RARB: variants seen among roughly 807,000 people sequenced by gnomAD.
RARB encodes HBV-activated protein.
A neutral mutation model predicts 51.9 loss-of-function variants in RARB; 17 were observed. The ratio of observed to expected loss-of-function variants is 0.33; its 90% CI spans 0.22 to 0.49. The LOEUF is 0.49. Among genes scored for constraint, RARB ranks in the 20% least tolerant of loss-of-function variants. The pLI, the probability that RARB is intolerant of heterozygous loss-of-function variation, is 0.99. For synonymous variants in RARB, 215 were observed against 195.4 expected (o/e 1.10, Z -0.84); for missense variants, 369 against 550.8 (o/e 0.67, Z 3.30).
intron 3 of RARB, among the ~76,000 whole-genome samples, chr3:25,543,407 GAC>G (rs1435117796): frequency 6.6e-6 from 1 of 152,066 alleles, no homozygotes; most frequent in Non-Finnish European, 1.5e-5. Flanking sequence ...CTCCAAATAA[GAC>G]AGAAAATTCA....
In RARB at chr3:25,102,424, C is replaced by T. The variant is rs185263833; in HGVS notation, c.-327-29737C>T. ...GGCATGGTGGCAATGCTTGTAATCC[C>T]AACTACTCGGGGGGCTGAGGCAGAA... On this transcript the variant is annotated intron_variant, in intron 3 of 11. Coordinates refer to the RARB transcript ENST00000383772. Among the ~76,000 whole-genome samples the T allele has an allele frequency of 2.2e-4, 33 of 152,030 alleles. No homozygotes were observed. The East Asian group carries it at 5.8e-3, about 27-fold the overall frequency.
At chr3:24,939,798 A>G (rs1324565803) in intron 2 of RARB, among the ~76,000 whole-genome samples, 3 of 152,210 alleles carry the variant, frequency 2.0e-5, no homozygotes, top group Non-Finnish European at 4.4e-5. Context: ...TTAGCACCCT[A>G]TAATGCATTC....
chr3:24,924,852 G>T (rs1254732089), intron 2 of RARB, among the ~76,000 whole-genome samples: 2 of 152,056 alleles, frequency 1.3e-5, no homozygotes, highest in Non-Finnish European at 2.9e-5. Context: ...TATCCTTACA[G>T]GGGTGCTGTA....
At chr3:24,832,627 C>A (rs942340376) in intron 1 of RARB, among the ~76,000 whole-genome samples, 3 of 79,446 alleles carry the variant, frequency 3.8e-5, no homozygotes, top group South Asian at 3.5e-4. Flanking sequence ...AATTGAGTCC[C>A]AATATATATA....
chr3:24,850,945 G>T (rs1254652521), intron 1 of RARB, among the ~76,000 whole-genome samples: 1 of 152,192 alleles, frequency 6.6e-6, no homozygotes, highest in South Asian at 2.1e-4. Flanking sequence ...AACCTCCTGT[G>T]TCAAACAGGT....
chr3:25,500,796 G>T (rs891398256), intron 2 of RARB, among the ~76,000 whole-genome samples: 2 of 151,876 alleles, frequency 1.3e-5, no homozygotes, highest in African/African-American at 4.8e-5. Context: ...TCTTTTATTG[G>T]GTAAAAATCC....
chr3:25,456,242 G>T (rs1025189353), intron 1 of RARB, among the ~76,000 whole-genome samples: 1 of 152,236 alleles, frequency 6.6e-6, no homozygotes, highest in Admixed American at 6.5e-5. Context: ...ACAGTGAACA[G>T]ATCAATGGCT....
At chr3:25,385,998 T>A (rs1434282365) in intron 5 of RARB, among the ~76,000 whole-genome samples, 1 of 152,206 alleles carries the variant, frequency 6.6e-6, no homozygotes. Flanking sequence ...CGTCAGTCCG[T>A]GAGCTTACCC....
chr3:24,957,815 A>G (rs561507917), intron 2 of RARB, among the ~76,000 whole-genome samples: 5 of 152,280 alleles, frequency 3.3e-5, no homozygotes, highest in Non-Finnish European at 7.4e-5. Flanking sequence ...AAGAGTGGGT[A>G]GGCAGGGCAA....
chr3:25,397,017 T>C (rs13088742), intron 5 of RARB, among the ~76,000 whole-genome samples: 22,011 of 152,164 alleles, frequency 0.14, 2,131 homozygotes, highest in Admixed American at 0.29. Flanking sequence ...CTGCCATGGT[T>C]TCTTGCGCGC....
intron 5 of RARB, among the ~76,000 whole-genome samples, chr3:25,244,712 G>A (rs1002810173): frequency 6.6e-6 from 1 of 152,164 alleles, no homozygotes; most frequent in Non-Finnish European, 1.5e-5. Flanking sequence ...TGCATTTGCT[G>A]AGGCATGTTT....
intron 2 of RARB, among the ~76,000 whole-genome samples, chr3:25,482,074 TACCTCTGCAATAAGAA>T (rs367944443): frequency 1.9e-3 from 290 of 152,310 alleles, no homozygotes; most frequent in African/African-American, 6.6e-3. Flanking sequence ...ACCACTAGAC[TACCTCTGCAATAAGAA>T]GCCTCTGCTT....
chr3:25,448,523 A>T (rs1452932736), intron 1 of RARB, among the ~76,000 whole-genome samples: 1 of 152,120 alleles, frequency 6.6e-6, no homozygotes, highest in Non-Finnish European at 1.5e-5. Flanking sequence ...GCTGGAGTGC[A>T]GTGGTATGAT....
rs149068931 is a variant in RARB at position 25,167,462 on chromosome 3, G to A, written c.-279-6657G>A. On this transcript the variant is annotated intron_variant, in intron 4 of 11. Transcript: ENST00000383772. ...CAAAGTACTGAAAGCAGATTGCTAG[G>A]TGTCTAAAGAAGAAGATGAAAAGGG... Among the ~76,000 whole-genome samples, 33 of 152,298 alleles carry A rather than the reference G, an allele frequency of 2.2e-4. 1 individual carries two copies. The East Asian group carries it at 6.2e-3, about 28-fold the overall frequency.
intron 5 of RARB, among the ~76,000 whole-genome samples, chr3:25,294,437 G>T (rs1703866970): frequency 6.6e-6 from 1 of 152,178 alleles, no homozygotes; most frequent in African/African-American, 2.4e-5. Context: ...TCTAGCAGAA[G>T]GAATTGAATA....
At chr3:25,570,021 C>CACA in intron 4 of RARB, 103 bp downstream of exon 4, 1 of 1,191,654 alleles carries the variant, frequency 8.4e-7, no homozygotes, top group Non-Finnish European at 1.1e-6. Context: ...CACACACACA[C>CACA]TTTGCACTGG....
chr3:25,204,701 G>T (rs150723776), intron 5 of RARB, among the ~76,000 whole-genome samples: 2 of 152,200 alleles, frequency 1.3e-5, no homozygotes, highest in South Asian at 4.1e-4. Context: ...TCCAGACCCT[G>T]TTTGCCTGGG....
intron 3 of RARB, among the ~76,000 whole-genome samples, chr3:25,521,625 T>A (rs1698404143): frequency 6.6e-6 from 1 of 152,156 alleles, no homozygotes; most frequent in South Asian, 2.1e-4. Context: ...ATGTAGAAGC[T>A]GTCTATTAAA....
intron 2 of RARB, among the ~76,000 whole-genome samples, chr3:25,463,581 TG>T (rs1695290585): frequency 6.6e-6 from 1 of 151,664 alleles, no homozygotes; most frequent in African/African-American, 2.4e-5. Flanking sequence ...GAGAATTGCT[TG>T]AACCCGGGAG....
Sources: gnomAD v4.1 joint callset for allele counts (sites outside exome capture counted in the v4.1 genomes callset) on GRCh38, gnomAD v4.1.1 for gene constraint, MANE v1.5 for transcripts, NCBI Gene and HGNC (gene_info 2026-07-23, HGNC 2026-07-21) for gene names.